The following ACTL8 variants were observed in gnomAD, a reference collection of about 807,000 sequenced individuals.
The protein encoded by ACTL8 is actin-like protein 8.
Under a neutral mutation model 9.3 loss-of-function variants are expected in ACTL8, and 3 were observed. The observed-to-expected ratio is 0.32, with a 90% CI of 0.15 to 0.83. ACTL8 has a LOEUF of 0.83. ACTL8 is among the 40% of genes least tolerant of loss of function. ACTL8 has a pLI of 0.57. For synonymous variants in ACTL8, 224 were observed against 205.9 expected (o/e 1.09, Z -0.75); for missense variants, 381 against 492.2 (o/e 0.77, Z 2.14).
At chr1:17,822,499 C>G (rs1003774354) in intron 1 of ACTL8, among the ~76,000 whole-genome samples, 1 of 152,188 alleles carries the variant, frequency 6.6e-6, no homozygotes, top group Non-Finnish European at 1.5e-5. Context: ...CTCACTAATA[C>G]AATGCCTGCT....
At chr1:17,824,932 C>T (rs558171308) in intron 2 of ACTL8, among the ~76,000 whole-genome samples, 2 of 152,072 alleles carry the variant, frequency 1.3e-5, no homozygotes. Context: ...GGAGGGAGCC[C>T]CCTCCCACTG....
chr1:17,767,509 C>T lies in ACTL8; in HGVS notation c.-25+12005C>T, dbSNP rs1223830148. ...TCTCCCGGCTAAGACCTTCCCTGCT[C>T]TCCTGGGGGTTGAGTTTGGCCTTGT... On this transcript the variant is annotated intron_variant, in intron 1 of 2. Coordinates refer to ENST00000375406, the MANE Select transcript of ACTL8 (RefSeq NM_030812.3). This position sits in a 1 kb window ranked among gnomAD's most constrained non-coding sequence, Gnocchi z 4.7. 2.0e-5 allele frequency among the ~76,000 whole-genome samples: 3 copies of T among 152,190 alleles called. No individual in the cohort carries two copies. Among genetic ancestry groups the T allele is most frequent in the African/African-American group, 7.2e-5 (3 of 41,462 alleles).
chr1:17,811,229 C>T (rs886626458), intron 1 of ACTL8, among the ~76,000 whole-genome samples: 8 of 152,086 alleles, frequency 5.3e-5, no homozygotes, highest in African/African-American at 1.4e-4. Context: ...GCTTACTTAC[C>T]GTCTGTGTAG....
rs11578213 is a variant in ACTL8 at position 17,782,491 on chromosome 1, C to T, written c.-25+26987C>T. On this transcript the variant is annotated intron_variant, in intron 1 of 2. Coordinates refer to ENST00000375406, the MANE Select transcript of ACTL8 (RefSeq NM_030812.3). ...CCCTTTAATCATATTATGCATAGAT[C>T]GCCACGGCGGCCACCTGGGTATATG... Among the ~76,000 whole-genome samples the T allele has an allele frequency of 6.2e-3, 948 of 152,162 alleles. 10 individuals carry two copies. Among genetic ancestry groups the T allele is most frequent in the African/African-American group, 0.022 (899 of 41,478 alleles).
intron 1 of ACTL8, among the ~76,000 whole-genome samples, chr1:17,797,084 GCTA>G (rs749550172): frequency 6.8e-4 from 104 of 152,104 alleles, no homozygotes; most frequent in Non-Finnish European, 1.3e-3. Context: ...TGGGGCACCT[GCTA>G]CTAAGAAGCT....
At chr1:17,818,439 A>G (rs1072517) in intron 1 of ACTL8, among the ~76,000 whole-genome samples, 9,930 of 152,244 alleles carry the variant, frequency 0.065, 798 homozygotes, top group East Asian at 0.24. Flanking sequence ...CCTCTGGCCA[A>G]GCCCCCAGTG....
At chr1:17,788,090 C>A (rs958110272) in intron 1 of ACTL8, among the ~76,000 whole-genome samples, 1 of 152,214 alleles carries the variant, frequency 6.6e-6, no homozygotes, top group African/African-American at 2.4e-5. Flanking sequence ...CCCGTTGGGT[C>A]CTCTGCCCCT....
At chr1:17,799,822 G>C (rs1183445356) in intron 1 of ACTL8, among the ~76,000 whole-genome samples, 3 of 150,974 alleles carry the variant, frequency 2.0e-5, no homozygotes, top group Non-Finnish European at 2.9e-5. Context: ...AATCAGCTCC[G>C]CCCCCGCCCC....
At chr1:17,802,701 G>A (rs896651057) in intron 1 of ACTL8, among the ~76,000 whole-genome samples, 10 of 152,122 alleles carry the variant, frequency 6.6e-5, no homozygotes, top group Non-Finnish European at 1.5e-5. Context: ...AGTTAGTGAT[G>A]GCTGGGCATG....
intron 1 of ACTL8, among the ~76,000 whole-genome samples, chr1:17,765,144 G>A (rs2066034960): frequency 6.6e-6 from 1 of 152,198 alleles, no homozygotes; most frequent in Non-Finnish European, 1.5e-5. Context: ...AGCAGGCAGC[G>A]ATCACCGGGT....
chr1:17,764,418 A>G (rs1461981792), intron 1 of ACTL8, among the ~76,000 whole-genome samples: 1 of 152,088 alleles, frequency 6.6e-6, no homozygotes, highest in African/African-American at 2.4e-5. Flanking sequence ...CAGCCTGAAA[A>G]CTGGGGGTTC....
intron 1 of ACTL8, among the ~76,000 whole-genome samples, chr1:17,786,234 G>A (rs2066196456): frequency 7.9e-5 from 12 of 152,204 alleles, no homozygotes; most frequent in Admixed American, 7.9e-4. Flanking sequence ...CGCCATCACA[G>A]GAGAGAGGAT....
At chr1:17,782,728 G>A (rs900099243) in intron 1 of ACTL8, among the ~76,000 whole-genome samples, 3 of 152,186 alleles carry the variant, frequency 2.0e-5, no homozygotes, top group Admixed American at 6.5e-5. Context: ...AAACAATTCT[G>A]TAGTGAACAT....
chr1:17,794,457 T>C (rs1345992805), intron 1 of ACTL8, among the ~76,000 whole-genome samples: 2 of 152,202 alleles, frequency 1.3e-5, no homozygotes, highest in African/African-American at 4.8e-5. Context: ...CACCATCCCC[T>C]CTAGGCTCCA....
At chr1:17,792,495 A>AT (rs1472794238) in intron 1 of ACTL8, among the ~76,000 whole-genome samples, 1 of 152,222 alleles carries the variant, frequency 6.6e-6, no homozygotes. Context: ...ATCACCATGC[A>AT]TATAGACCAG....
Position 17,773,817 on chromosome 1 carries a change from C to CGAACA in ACTL8, c.-25+18316_-25+18320dup, listed in dbSNP as rs2066099310. On this transcript the variant is annotated intron_variant, in intron 1 of 2. Coordinates refer to ENST00000375406, the MANE Select transcript of ACTL8 (RefSeq NM_030812.3). ...CCATAGAACAGCACTTGGCCCATGCCGAACAGATGCTGGTTATTGTGAGAT... is the reference window on the plus strand; with the variant it reads ...CCATAGAACAGCACTTGGCCCATGCCGAACAGAACAGATGCTGGTTATTGTGAGAT... Among the ~76,000 whole-genome samples, 8 of 152,348 alleles carry CGAACA rather than the reference C, an allele frequency of 5.3e-5. No individual in the cohort carries two copies. In the South Asian group the frequency reaches 1.4e-3, roughly 28 times the overall value.
At chr1:17,792,639 G>C (rs1242679756) in intron 1 of ACTL8, among the ~76,000 whole-genome samples, 1 of 152,138 alleles carries the variant, frequency 6.6e-6, no homozygotes, top group Non-Finnish European at 1.5e-5. Context: ...TGCTCATCCT[G>C]CCATTACCTT....
At chr1:17,771,800 C>T (rs1039936494) in intron 1 of ACTL8, among the ~76,000 whole-genome samples, 10 of 152,204 alleles carry the variant, frequency 6.6e-5, no homozygotes, top group Non-Finnish European at 1.3e-4. Context: ...GCGTGCTCAC[C>T]GGCTGGACAA....
chr1:17,809,142 G>A (rs949662453), intron 1 of ACTL8, among the ~76,000 whole-genome samples: 77 of 152,166 alleles, frequency 5.1e-4, no homozygotes, highest in African/African-American at 1.8e-3. Flanking sequence ...CAGTTACGTG[G>A]TAGAAATGGG....
Sources: allele counts gnomAD v4.1 joint callset (sites outside exome capture counted in the v4.1 genomes callset), GRCh38; gene constraint gnomAD v4.1.1; non-coding constraint Gnocchi (gnomAD v3.1); transcripts MANE v1.5; gene names NCBI Gene and HGNC (gene_info 2026-07-23, HGNC 2026-07-21).